The following STXBP6 variants were observed in gnomAD, a reference collection of about 807,000 sequenced individuals.
STXBP6 encodes syntaxin binding protein 6, also known as syntaxin-binding protein 6.
Under a neutral mutation model 26.9 loss-of-function variants are expected in STXBP6, and 21 were observed. The observed-to-expected ratio is 0.78, with a 90% CI of 0.55 to 1.12. The LOEUF (loss-of-function observed/expected upper bound fraction) is 1.12, where lower values mean the gene tolerates loss of function less well. Among genes scored for constraint, STXBP6 ranks in the 50% most tolerant of loss-of-function variants. The pLI, the probability that STXBP6 is intolerant of heterozygous loss-of-function variation, is 0.00. For missense variants in STXBP6, 232 were observed against 257.9 expected (o/e 0.90, Z 0.69); for synonymous variants, 97 against 92.6 (o/e 1.05, Z -0.27).
intron 1 of STXBP6, among the ~76,000 whole-genome samples, chr14:24,988,929 A>C (rs2074398817): frequency 6.6e-6 from 1 of 152,198 alleles, no homozygotes; most frequent in South Asian, 2.1e-4. Flanking sequence ...ACTACTTTAA[A>C]AATGTTCATC....
At chr14:24,863,822 TG>T (rs2069626636) in intron 2 of STXBP6, among the ~76,000 whole-genome samples, 1 of 152,210 alleles carries the variant, frequency 6.6e-6, no homozygotes, top group Non-Finnish European at 1.5e-5. Flanking sequence ...GCATGAATTT[TG>T]GATAAAGGGA....
chr14:24,941,672 A>T (rs894099910), intron 2 of STXBP6, among the ~76,000 whole-genome samples: 1 of 152,214 alleles, frequency 6.6e-6, no homozygotes, highest in Non-Finnish European at 1.5e-5. Flanking sequence ...CCCTGTACCC[A>T]CTAGCCCATG....
intron 4 of STXBP6, among the ~76,000 whole-genome samples, chr14:24,835,145 C>G (rs1392544286): frequency 6.6e-6 from 1 of 152,154 alleles, no homozygotes; most frequent in Non-Finnish European, 1.5e-5. Context: ...CTTTCTTCTT[C>G]CGTGTTTAAT....
chr14:24,843,986 A>G (rs890642671), intron 4 of STXBP6, among the ~76,000 whole-genome samples: 7 of 152,192 alleles, frequency 4.6e-5, no homozygotes, highest in African/African-American at 1.7e-4. Context: ...ATGAGATTAG[A>G]GGGTTTTAAC....
At chr14:24,964,522 T>C (rs2073664729) in intron 2 of STXBP6, among the ~76,000 whole-genome samples, 2 of 152,198 alleles carry the variant, frequency 1.3e-5, no homozygotes, top group Non-Finnish European at 2.9e-5. Flanking sequence ...GTACCTTCTA[T>C]GTATCAGGCA....
intron 1 of STXBP6, among the ~76,000 whole-genome samples, chr14:24,986,937 T>C (rs536822328): frequency 1.3e-5 from 2 of 152,270 alleles, no homozygotes; most frequent in African/African-American, 4.8e-5. Context: ...AGACTCAAAG[T>C]CCATATGCAA....
At chr14:24,853,813 C>A (rs549029748) in intron 4 of STXBP6, among the ~76,000 whole-genome samples, 1 of 152,166 alleles carries the variant, frequency 6.6e-6, no homozygotes, top group African/African-American at 2.4e-5. Context: ...CTCAACTCTG[C>A]ATAATTTGGG....
intron 2 of STXBP6, among the ~76,000 whole-genome samples, chr14:24,897,718 G>A (rs1195382110): frequency 6.6e-6 from 1 of 152,180 alleles, no homozygotes; most frequent in African/African-American, 2.4e-5. Context: ...GAGAGGTTTA[G>A]TAGGCTCTTG....
chr14:24,848,541 C>T (rs2069040635), intron 4 of STXBP6, among the ~76,000 whole-genome samples: 1 of 152,088 alleles, frequency 6.6e-6, no homozygotes. Flanking sequence ...TTACGTAAGT[C>T]TTGGTTTGGT....
chr14:24,923,891 T>C (rs1317940943), intron 2 of STXBP6, among the ~76,000 whole-genome samples: 1 of 152,204 alleles, frequency 6.6e-6, no homozygotes, highest in African/African-American at 2.4e-5. Flanking sequence ...TATGGTGTTT[T>C]AGTGTCAAGA....
chr14:24,902,447 TC>T (rs1183038715), intron 2 of STXBP6, among the ~76,000 whole-genome samples: 1 of 152,158 alleles, frequency 6.6e-6, no homozygotes, highest in Non-Finnish European at 1.5e-5. Context: ...AAAGCAGTAA[TC>T]CCTAGTAAGG....
intron 1 of STXBP6, among the ~76,000 whole-genome samples, chr14:25,042,253 T>G (rs1595363811): frequency 6.6e-6 from 1 of 152,216 alleles, no homozygotes; most frequent in Non-Finnish European, 1.5e-5. Context: ...TAGCATATAC[T>G]TTACAGAGGT....
intron 1 of STXBP6, among the ~76,000 whole-genome samples, chr14:25,016,326 TA>T (rs985739808): frequency 1.4e-4 from 22 of 151,762 alleles, no homozygotes; most frequent in East Asian, 5.8e-4. Flanking sequence ...ATTTTTTCTT[TA>T]AAAAAAAATT....
intron 1 of STXBP6, among the ~76,000 whole-genome samples, chr14:24,991,077 A>G (rs945620989): frequency 6.6e-6 from 1 of 151,158 alleles, no homozygotes; most frequent in Non-Finnish European, 1.5e-5. Flanking sequence ...GAGGCAGCAG[A>G]GGAGAGAAGA....
chr14:24,990,149 G>A (rs1175029714), intron 1 of STXBP6, among the ~76,000 whole-genome samples: 1 of 152,182 alleles, frequency 6.6e-6, no homozygotes, highest in Non-Finnish European at 1.5e-5. Flanking sequence ...CTTTAGAACT[G>A]TGTGTAGGAA....
chr14:24,902,443 G>A (rs904936779), intron 2 of STXBP6, among the ~76,000 whole-genome samples: 2 of 152,154 alleles, frequency 1.3e-5, no homozygotes, highest in African/African-American at 4.8e-5. Context: ...GTTGAAAGCA[G>A]TAATCCCTAG....
intron 1 of STXBP6, among the ~76,000 whole-genome samples, chr14:24,984,458 T>C (rs2074283247): frequency 6.6e-6 from 1 of 152,196 alleles, no homozygotes; most frequent in Non-Finnish European, 1.5e-5. Context: ...TACACATACC[T>C]ACTCTGTTTA....
rs1043325958 is a variant in STXBP6, at chr14:24,850,275, T to G, written c.451+5661A>C. On this transcript the variant is annotated intron_variant, in intron 4 of 5. Transcript: ENST00000323944. ...TCCAGAGTAAAGCCATTGGGTTTCC[T>G]TTAGCATACCAATCAGCAGGGGCAA... Among the ~76,000 whole-genome samples the G allele has an allele frequency of 3.7e-4, 56 of 152,002 alleles. 1 individual carries two copies. Among genetic ancestry groups the G allele is most frequent in the African/African-American group, 1.3e-3 (55 of 41,386 alleles).
intron 2 of STXBP6, among the ~76,000 whole-genome samples, chr14:24,933,137 T>C (rs973881761): frequency 6.6e-6 from 1 of 152,140 alleles, no homozygotes; most frequent in African/African-American, 2.4e-5. Context: ...TCTCAGGAGT[T>C]TGAGACCAGC....
Sources: allele counts gnomAD v4.1 joint callset (sites outside exome capture counted in the v4.1 genomes callset), GRCh38; gene constraint gnomAD v4.1.1; transcripts MANE v1.5; gene names NCBI Gene and HGNC (gene_info 2026-07-23, HGNC 2026-07-21).